Variants in ELOA observed in about 807,000 individuals in gnomAD.
The protein encoded by ELOA is elongin A.
In ELOA, 15 loss-of-function variants were observed where a neutral mutation model predicts 85.2. The ratio of observed to expected loss-of-function variants is 0.18; its 90% confidence interval spans 0.12 to 0.27. The LOEUF is 0.27. ELOA is among the 10% of genes least tolerant of loss of function. The pLI is 1.00. For synonymous variants in ELOA, 348 were observed against 357.2 expected, an observed-to-expected ratio of 0.97 and a Z score of 0.29; for missense variants, 769 against 952.7, an observed-to-expected ratio of 0.81 and a Z score of 2.54.
intron 7 of ELOA, among the ~76,000 whole-genome samples, chr1:23,754,777 G>A (rs750473391): frequency 6.6e-6 from 1 of 152,110 alleles, no homozygotes; most frequent in South Asian, 2.1e-4. Flanking sequence ...GACCCAGGGC[G>A]GGGAAAGCAC....
intron 9 of ELOA, 40 bp downstream of exon 9, chr1:23,756,425 A>G (rs760077475): frequency 6.6e-6 from 10 of 1,520,370 alleles, no homozygotes; most frequent in Non-Finnish European, 8.9e-6. Flanking sequence ...TGTGCTATCA[A>G]CCCTTAGAGG....
At chr1:23,749,106 A>G in intron 2 of ELOA, 29 bp downstream of exon 2, 4 of 1,559,244 alleles carry the variant, frequency 2.6e-6, no homozygotes, top group African/African-American at 1.4e-5. Context: ...TAAATATTAT[A>G]TAATGATATC....
At chr1:23,750,256 A>G (rs1010308707) in intron 3 of ELOA, among the ~76,000 whole-genome samples, 2 of 141,080 alleles carry the variant, frequency 1.4e-5, no homozygotes, top group African/African-American at 5.3e-5. Flanking sequence ...GCTCACTGCA[A>G]GCTCCGCCTC....
At chr1:23,748,549 T>TA (rs1391717702) in intron 1 of ELOA, among the ~76,000 whole-genome samples, 1 of 152,214 alleles carries the variant, frequency 6.6e-6, no homozygotes, top group African/African-American at 2.4e-5. Context: ...ACAATTCTGT[T>TA]AAACACTGTG....
chr1:23,758,259 ATTT>A (rs1162019928), intron 10 of ELOA, among the ~76,000 whole-genome samples: 26 of 41,950 alleles, frequency 6.2e-4, no homozygotes, highest in African/African-American at 2.4e-3. Flanking sequence ...TTATTTATTT[ATTT>A]TTTTTTTTTT....
chr1:23,749,014 T>G lies in ELOA; in HGVS notation c.76-7T>G, dbSNP rs1644758141. On this transcript the variant is annotated splice_polypyrimidine_tract_variant and splice_region_variant and intron_variant, in intron 1 of 10. Coordinates refer to ENST00000613537, the MANE Select transcript of ELOA (RefSeq NM_003198.3). Reference sequence around the variant, plus strand: ...GACTATTGAAATTAATGTTTTCTTCTCTGCAGCTATTGAAATATTTGAAGA... The same window carrying G: ...GACTATTGAAATTAATGTTTTCTTCGCTGCAGCTATTGAAATATTTGAAGA... 1 of 1,611,830 alleles carries G rather than the reference T, an allele frequency of 6.2e-7. No individual in the cohort carries two copies. Among genetic ancestry groups the G allele is most frequent in the African/African-American group, 1.3e-5 (1 of 74,996 alleles).
intron 5 of ELOA, among the ~76,000 whole-genome samples, chr1:23,753,116 C>T (rs915938286): frequency 6.6e-6 from 1 of 152,160 alleles, no homozygotes; most frequent in East Asian, 1.9e-4. Context: ...CATCACTGCA[C>T]TCTAGCTTGG....
chr1:23,757,048 C>G lies in ELOA; in HGVS notation c.2180C>G (p.Pro727Arg), dbSNP rs1644797409. The G allele has an allele frequency of 6.2e-7, 1 of 1,611,106 alleles. No homozygotes were observed. Among genetic ancestry groups the G allele is most frequent in the Non-Finnish European group, 8.5e-7 (1 of 1,179,146 alleles). Residue 727 changes from proline to arginine, a missense_variant, in exon 10 of 11, where the codon CCA becomes CGA. Pro to Arg is a moderately radical substitution (Grantham distance 103, BLOSUM62 -2). This residue lies in a region of ELOA where 116 missense variants were observed against 141.0 expected (regional missense o/e 0.82). Coordinates refer to ENST00000613537, the MANE Select transcript of ELOA (RefSeq NM_003198.3). ...CCTGAGGAGCCGGCCTATGATGGCC[C>G]AAGCACCAGCAGTGCCCACTTGGCA... ...PSPEEPAYDG[P>R]STSSAHLAPV... is the part of the protein sequence containing the mutation.
At chr1:23,754,806 C>CATCT (rs1644787338) in intron 7 of ELOA, among the ~76,000 whole-genome samples, 1 of 152,168 alleles carries the variant, frequency 6.6e-6, no homozygotes, top group Non-Finnish European at 1.5e-5. Context: ...GACACTCTGA[C>CATCT]ATCTGGTGAT....
chr1:23,752,442 G>A lies in ELOA; in HGVS notation c.1461G>A (p.Pro487=), dbSNP rs540950310. Residue 487 remains proline, a synonymous_variant, in exon 5 of 11, where the codon CCG becomes CCA. Transcript: ENST00000613537. ...PDVLPVLPDL[P]LPAIQANYRP... ...TGTTGCCAGTGTTGCCAGACCTCCCGTTACCCGCGATACAGGCCAATTACC... is the reference window on the plus strand; with the variant it reads ...TGTTGCCAGTGTTGCCAGACCTCCCATTACCCGCGATACAGGCCAATTACC... 2.1e-5 allele frequency: 34 copies of A among 1,614,026 alleles called. No individual in the cohort carries two copies. Among genetic ancestry groups the A allele is most frequent in the East Asian group, 1.6e-4 (7 of 44,884 alleles).
intron 10 of ELOA, among the ~76,000 whole-genome samples, chr1:23,758,246 A>AATTTATTT (rs1224791949): frequency 0.018 from 1,179 of 67,084 alleles, 40 homozygotes; most frequent in Middle Eastern, 0.031. Flanking sequence ...TGGGTCTTCC[A>AATTTATTT]ATTTATTTAT....
chr1:23,757,830 A>AG (rs1553126339), intron 10 of ELOA, among the ~76,000 whole-genome samples: 2 of 151,068 alleles, frequency 1.3e-5, no homozygotes, highest in Non-Finnish European at 2.9e-5. Flanking sequence ...AAAAAAAAAA[A>AG]GTGAAAGTAG....
intron 10 of ELOA, among the ~76,000 whole-genome samples, chr1:23,758,106 A>G (rs2148388915): frequency 6.6e-6 from 1 of 151,942 alleles, no homozygotes; most frequent in East Asian, 1.9e-4. Context: ...ACCTAAATAT[A>G]AACTGACTTC....
chr1:23,757,589 T>C (rs1644800552), intron 10 of ELOA, among the ~76,000 whole-genome samples: 1 of 152,054 alleles, frequency 6.6e-6, no homozygotes, highest in African/African-American at 2.4e-5. Context: ...AGCTCTGCCT[T>C]CCAGGTTCAT....
At chr1:23,750,720 T>C in intron 3 of ELOA, 125 bp from the exon 4 acceptor site, 1 of 927,044 alleles carries the variant, frequency 1.1e-6, no homozygotes, top group South Asian at 2.4e-5. Flanking sequence ...CTACTTATCT[T>C]CTTCTTAAGA....
In ELOA at chr1:23,749,887, C is replaced by A; in HGVS notation, c.178C>A (p.His60Asn). ...KTVNSLRKHEHVGSFARDLVA... is the reference protein window; with the variant it reads ...KTVNSLRKHENVGSFARDLVA... ...AGTAAATAGCTTGCGAAAACACGAG[C>A]ATGTTGGAAGCTTTGCCAGGGACCT... is the stretch of plus-strand genomic sequence containing the variant. The change falls in exon 3 of 11, where the codon CAT becomes AAT. Residue 60 changes from histidine (H) to asparagine (N), a missense_variant. By Grantham distance (68) the His-to-Asn change is moderately conservative. This residue lies in a region of ELOA where 440 missense variants were observed against 474.0 expected (regional missense o/e 0.93). Coordinates refer to ENST00000613537, the MANE Select transcript of ELOA (RefSeq NM_003198.3). 2 of 1,613,900 alleles carry A rather than the reference C, an allele frequency of 1.2e-6. No homozygotes were observed. Among genetic ancestry groups the A allele is most frequent in the Non-Finnish European group, 1.7e-6 (2 of 1,179,896 alleles).
Position 23,751,193 on chromosome 1 carries a change from C to G in ELOA, c.588C>G (p.Ser196=). Residue 196 remains serine, a synonymous_variant, in exon 4 of 11, where the codon TCC becomes TCG. Coordinates refer to ENST00000613537, the MANE Select transcript of ELOA (RefSeq NM_003198.3). ...AGATGTACGTCGACCACTACAGATC[C>G]CTGGAGGAGGACCAGGAGCCCATTG... ...PHQMYVDHYR[S]LEEDQEPIVS... 6.2e-7 allele frequency: 1 copy of G among 1,614,160 alleles called. No individual in the cohort carries two copies.
In ELOA at chr1:23,760,458, T is replaced by TTTCATGGTTCCTTC. The variant is rs1475602385; in HGVS notation, c.*885_*886insTTCATGGTTCCTTC. 6.6e-6 allele frequency: 1 copy of TTTCATGGTTCCTTC among 152,126 alleles called. No homozygotes were observed. Among genetic ancestry groups the TTTCATGGTTCCTTC allele is most frequent in the Non-Finnish European group, 1.5e-5 (1 of 68,034 alleles). 9.4% of individuals were successfully genotyped at this position (152,126 alleles called of 1,614,324 possible). A position where few individuals can be genotyped will look rare whatever the true frequency, so the allele number is the denominator to read the frequency against. On this transcript the variant is annotated 3_prime_UTR_variant, in exon 11 of 11. Coordinates refer to ENST00000613537, the MANE Select transcript of ELOA (RefSeq NM_003198.3). ...TGCCCTTCCCTATCTTTCCTTCCCC[T>TTTCATGGTTCCTTC]CAACACCATGAAGGAAAAACACACA...
intron 10 of ELOA, 57 bp from the exon 11 acceptor site, chr1:23,759,453 TGG>T: frequency 6.4e-7 from 1 of 1,565,986 alleles, no homozygotes; most frequent in Non-Finnish European, 8.8e-7. Flanking sequence ...TGTAAACTAC[TGG>T]GGGTGTGTCT....
Sources: allele counts gnomAD v4.1 joint callset (sites outside exome capture counted in the v4.1 genomes callset), GRCh38; gene constraint gnomAD v4.1.1; regional missense constraint gnomAD v4.1.1; transcripts MANE v1.5; gene names NCBI Gene and HGNC (gene_info 2026-07-23, HGNC 2026-07-21).